Variants in TBC1D8 observed in about 807,000 individuals in gnomAD.
The protein encoded by TBC1D8 is BUB2-like protein 1.
Under a neutral mutation model 118.8 loss-of-function variants are expected in TBC1D8, and 65 were observed. The ratio of observed to expected loss-of-function variants is 0.55; its 90% CI spans 0.45 to 0.67. The LOEUF (loss-of-function observed/expected upper bound fraction) is 0.67, where lower values mean the gene tolerates loss of function less well. Ranked by LOEUF, TBC1D8 falls within the 30% of genes least tolerant of loss-of-function variation. TBC1D8 has a pLI of 0.00. For missense variants in TBC1D8, 1,376 were observed against 1,471.2 expected, an observed-to-expected ratio of 0.94 and a Z score of 1.06; for synonymous variants, 566 against 595.8, an observed-to-expected ratio of 0.95 and a Z score of 0.73.
chr2:101,089,199 T>C (rs571979818), intron 2 of TBC1D8, among the ~76,000 whole-genome samples: 1 of 152,076 alleles, frequency 6.6e-6, no homozygotes. Flanking sequence ...TAAAATAAAA[T>C]TTAATTTTTT....
intron 2 of TBC1D8, among the ~76,000 whole-genome samples, chr2:101,064,037 G>A (rs1441063445): frequency 1.3e-5 from 2 of 152,192 alleles, no homozygotes; most frequent in Non-Finnish European, 2.9e-5. Context: ...TCTCACTGCT[G>A]CTTCTGCTGA....
intron 1 of TBC1D8, among the ~76,000 whole-genome samples, chr2:101,104,124 C>T (rs977140335): frequency 6.6e-6 from 1 of 152,064 alleles, no homozygotes; most frequent in African/African-American, 2.4e-5. Flanking sequence ...CCATTGACAA[C>T]AGTAAAAGGT....
chr2:101,023,334 T>C (rs1680154447), intron 15 of TBC1D8, among the ~76,000 whole-genome samples: 1 of 151,786 alleles, frequency 6.6e-6, no homozygotes, highest in South Asian at 2.1e-4. Flanking sequence ...TTAGTAGAGA[T>C]GGGGTTTCAC....
At position 101,040,322 on chromosome 2, in the gene TBC1D8, C is replaced by G; in HGVS notation, c.936G>C (p.Glu312Asp). ...AACAGTCCACAACCGCGTGCAGCTTCTCCTTCCTCGGCAACCTGAAGAAAG... is the reference window on the plus strand; with the variant it reads ...AACAGTCCACAACCGCGTGCAGCTTGTCCTTCCTCGGCAACCTGAAGAAAG... ...FRAFFRLPRK[E>D]KLHAVVDCSL... is the part of the protein sequence containing the mutation. The change falls in exon 6 of 20, where the codon GAG becomes GAC. Residue 312 changes from glutamate (E) to aspartate (D), a missense_variant. Glu to Asp is a conservative substitution (Grantham distance 45, BLOSUM62 2). Transcript: ENST00000409318. 1.9e-6 allele frequency: 3 copies of G among 1,613,914 alleles called. No homozygotes were observed. The highest frequency in any genetic ancestry group is 2.5e-6 in the Non-Finnish European group (3 of 1,179,840).
chr2:101,103,211 C>T (rs1452440220), intron 1 of TBC1D8, among the ~76,000 whole-genome samples: 3 of 151,414 alleles, frequency 2.0e-5, no homozygotes, highest in South Asian at 2.1e-4. Flanking sequence ...TTGGAAATAT[C>T]GATCAATATA....
intron 8 of TBC1D8, 117 bp downstream of exon 8, chr2:101,037,415 G>A (rs1366544365): frequency 1.4e-6 from 2 of 1,394,758 alleles, no homozygotes; most frequent in African/African-American, 1.4e-5. Flanking sequence ...GACGGAGGAG[G>A]AGCGTTAGCT....
intron 3 of TBC1D8, among the ~76,000 whole-genome samples, chr2:101,056,559 T>C (rs1682446128): frequency 6.6e-6 from 1 of 152,238 alleles, no homozygotes; most frequent in South Asian, 2.1e-4. Context: ...ATTTTCTTCA[T>C]TATGTTTTTC....
At chr2:101,039,717 A>T (rs1189456927) in intron 6 of TBC1D8, among the ~76,000 whole-genome samples, 1 of 152,130 alleles carries the variant, frequency 6.6e-6, no homozygotes, top group Non-Finnish European at 1.5e-5. Flanking sequence ...AAAATTTTTA[A>T]CTGAAGTTCC....
chr2:101,052,995 T>C (rs2034275), intron 4 of TBC1D8, among the ~76,000 whole-genome samples: 131,450 of 152,252 alleles, frequency 0.86, 57,105 homozygotes, highest in African/African-American at 0.95. Flanking sequence ...CTTTGCGAAG[T>C]GCCTGCCCTG....
chr2:101,071,293 C>A (rs1292979021), intron 2 of TBC1D8, among the ~76,000 whole-genome samples: 1 of 151,976 alleles, frequency 6.6e-6, no homozygotes, highest in Admixed American at 6.6e-5. Context: ...TGCAGTGAGC[C>A]GAGATCGCAC....
chr2:101,129,666 G>C (rs1468920056), intron 1 of TBC1D8, among the ~76,000 whole-genome samples: 3 of 151,852 alleles, frequency 2.0e-5, no homozygotes, highest in Non-Finnish European at 4.4e-5. Flanking sequence ...AGCACTTTGG[G>C]AGGCCGAGGC....
At chr2:101,080,493 C>T (rs866209533) in intron 2 of TBC1D8, among the ~76,000 whole-genome samples, 10 of 152,274 alleles carry the variant, frequency 6.6e-5, no homozygotes, top group Middle Eastern at 3.4e-3. Flanking sequence ...AACAGTGATG[C>T]AGACTGCAAG....
At position 101,040,435 on chromosome 2, in the gene TBC1D8, CA is replaced by C. The variant is rs773090061; in HGVS notation, c.873-51del. 11 of 1,498,372 alleles carry C rather than the reference CA, an allele frequency of 7.3e-6. No individual in the cohort carries two copies. The South Asian group carries it at 1.3e-4, about 18-fold the overall frequency. 92.8% of individuals were successfully genotyped at this position (1,498,372 alleles called of 1,614,324 possible). ...AGAAGAGATAGGAAAGGTGAATGGACAGCCAAGATTACAAAGGAAAATACTT... is the reference window on the plus strand; with the variant it reads ...AGAAGAGATAGGAAAGGTGAATGGACGCCAAGATTACAAAGGAAAATACTT... On this transcript the variant is annotated intron_variant, in intron 5 of 19. Coordinates refer to ENST00000409318, the MANE Select transcript of TBC1D8 (RefSeq NM_001330348.2).
intron 1 of TBC1D8, among the ~76,000 whole-genome samples, chr2:101,143,520 T>C (rs1322827664): frequency 6.6e-6 from 1 of 152,188 alleles, no homozygotes; most frequent in Non-Finnish European, 1.5e-5. Context: ...TGGTTCTGTA[T>C]GGAATCATTT....
In TBC1D8 at chr2:101,027,435, G is replaced by C; in HGVS notation, c.2468C>G (p.Pro823Arg). Residue 823 changes from proline to arginine, a missense_variant, in exon 15 of 20, where the codon CCG (proline) becomes CGG (arginine). Pro to Arg is a moderately radical substitution (Grantham distance 103). Coordinates refer to ENST00000409318, the MANE Select transcript of TBC1D8 (RefSeq NM_001330348.2). Reference protein sequence around the residue: ...TKQNVLRVVIPEVSILPEDLE... With the variant: ...TKQNVLRVVIREVSILPEDLE... Reference sequence around the variant, plus strand: ...GTCTTCAGGAAGAATTGAGACTTCCGGGATAACGACTCGAAGCTTGAGGAA... The same window carrying C: ...GTCTTCAGGAAGAATTGAGACTTCCCGGATAACGACTCGAAGCTTGAGGAA... 1 of 1,613,032 alleles carries C rather than the reference G, an allele frequency of 6.2e-7. No individual in the cohort carries two copies. Among genetic ancestry groups the C allele is most frequent in the Non-Finnish European group, 8.5e-7 (1 of 1,179,248 alleles).
At chr2:101,043,406 G>A (rs978482324) in intron 5 of TBC1D8, among the ~76,000 whole-genome samples, 1 of 152,160 alleles carries the variant, frequency 6.6e-6, no homozygotes, top group Admixed American at 6.5e-5. Flanking sequence ...TAGCTTTAAC[G>A]AAAGTAAAAT....
intron 1 of TBC1D8, among the ~76,000 whole-genome samples, chr2:101,101,596 A>G (rs141373349): frequency 2.0e-5 from 3 of 152,212 alleles, no homozygotes; most frequent in African/African-American, 4.8e-5. Context: ...ATACATACAC[A>G]TGTATGTTTA....
intron 4 of TBC1D8, among the ~76,000 whole-genome samples, chr2:101,052,462 A>C (rs1310033895): frequency 6.9e-6 from 1 of 144,910 alleles, no homozygotes; most frequent in East Asian, 2.0e-4. Flanking sequence ...ATTAGGAATC[A>C]TTTATTTTTC....
chr2:101,096,443 A>AAAAAAAAAAAAAAAAC (rs1553418002), intron 1 of TBC1D8, among the ~76,000 whole-genome samples: 1 of 131,456 alleles, frequency 7.6e-6, no homozygotes. Flanking sequence ...AAAAAAAAAA[A>AAAAAAAAAAAAAAAAC]AAAACTATAA....
Sources: allele counts gnomAD v4.1 joint callset (sites outside exome capture counted in the v4.1 genomes callset), GRCh38; gene constraint gnomAD v4.1.1; transcripts MANE v1.5; gene names NCBI Gene and HGNC (gene_info 2026-07-23, HGNC 2026-07-21).